ERBB4: variants seen among roughly 807,000 people sequenced by gnomAD.
ERBB4 encodes the protein erb-b2 receptor tyrosine kinase 4.
ERBB4 carries 42 observed loss-of-function variants against 158.0 expected under a neutral mutation model. The observed-to-expected ratio is 0.27, with a 90% CI of 0.21 to 0.34. ERBB4 has a LOEUF of 0.34. Ranked by LOEUF, ERBB4 falls within the 10% of genes least tolerant of loss-of-function variation. ERBB4 has a pLI of 1.00. For synonymous variants in ERBB4, 583 were observed against 558.7 expected, an observed-to-expected ratio of 1.04 and a Z score of -0.61; for missense variants, 1,333 against 1,624.1, an observed-to-expected ratio of 0.82 and a Z score of 3.08.
chr2:212,155,494 C>T (rs1285894222), intron 1 of ERBB4, among the ~76,000 whole-genome samples: 4 of 151,984 alleles, frequency 2.6e-5, no homozygotes, highest in African/African-American at 9.7e-5. Flanking sequence ...CTGGCCCCGC[C>T]CCAGACCTTC....
chr2:211,750,763 A>G, intron 4 of ERBB4, 59 bp from the exon 5 acceptor site: 1 of 1,397,366 alleles, frequency 7.2e-7, no homozygotes, highest in Non-Finnish European at 1.0e-6. Flanking sequence ...CTCCTTGACT[A>G]GGAGTAACTC....
chr2:212,106,953 A>G (rs1452380454), intron 2 of ERBB4, among the ~76,000 whole-genome samples: 1 of 152,234 alleles, frequency 6.6e-6, no homozygotes, highest in Non-Finnish European at 1.5e-5. Context: ...CAGAGGACCT[A>G]TGGAAATGCC....
intron 1 of ERBB4, among the ~76,000 whole-genome samples, chr2:212,279,483 G>T (rs925164773): frequency 6.6e-6 from 1 of 151,484 alleles, no homozygotes; most frequent in African/African-American, 2.4e-5. Flanking sequence ...AAGAAAATCT[G>T]CCATATACTT....
At chr2:211,689,542 A>G (rs901948677) in intron 12 of ERBB4, among the ~76,000 whole-genome samples, 1 of 152,144 alleles carries the variant, frequency 6.6e-6, no homozygotes, top group Non-Finnish European at 1.5e-5. Flanking sequence ...AGTTCCCAAA[A>G]AGTAGAATAT....
intron 1 of ERBB4, among the ~76,000 whole-genome samples, chr2:212,398,122 G>GTA (rs1305583434): frequency 5.9e-5 from 8 of 134,872 alleles, no homozygotes; most frequent in South Asian, 2.4e-4. Flanking sequence ...GTGTGTGTGT[G>GTA]TATATATATA....
intron 16 of ERBB4, among the ~76,000 whole-genome samples, chr2:211,639,507 T>C (rs1214210401): frequency 1.3e-5 from 2 of 152,226 alleles, no homozygotes; most frequent in African/African-American, 4.8e-5. Flanking sequence ...GCTGGCACCA[T>C]TCTTGTTCCC....
At chr2:212,526,171 C>T (rs1460315678) in intron 1 of ERBB4, among the ~76,000 whole-genome samples, 1 of 151,944 alleles carries the variant, frequency 6.6e-6, no homozygotes, top group African/African-American at 2.4e-5. Context: ...TTCATCTGTA[C>T]TTCTCAAAGA....
In ERBB4 at chr2:211,377,359, C is replaced by T. The variant is rs1467597733; in HGVS notation, c.*6256G>A. On this transcript the variant is annotated 3_prime_UTR_variant, in exon 28 of 28. Coordinates refer to ENST00000342788, the MANE Select transcript of ERBB4 (RefSeq NM_005235.3). Reference sequence around the variant, plus strand: ...TGGTTTGGACAAGTTAGACTATTGCCTACAGGTATGAATCTTTGTTTTCCT... The same window carrying T: ...TGGTTTGGACAAGTTAGACTATTGCTTACAGGTATGAATCTTTGTTTTCCT... 4.3e-6 allele frequency: 1 copy of T among 232,444 alleles called. No homozygotes were observed. Among genetic ancestry groups the T allele is most frequent in the African/African-American group, 2.2e-5 (1 of 45,242 alleles). 14.4% of individuals were successfully genotyped at this position (232,444 alleles called of 1,614,324 possible). A position where few individuals can be genotyped will look rare whatever the true frequency, so the allele number is the denominator to read the frequency against.
intron 20 of ERBB4, among the ~76,000 whole-genome samples, chr2:211,471,193 G>C (rs1379493246): frequency 6.6e-6 from 1 of 152,038 alleles, no homozygotes; most frequent in Admixed American, 6.6e-5. Context: ...GGCTGAGAGG[G>C]AGAAGAATCA....
intron 4 of ERBB4, among the ~76,000 whole-genome samples, chr2:211,753,288 A>AAC (rs954896051): frequency 3.6e-4 from 55 of 151,896 alleles, no homozygotes; most frequent in African/African-American, 1.3e-3. Flanking sequence ...AGAAAAAAAA[A>AAC]AACAAAATTT....
intron 3 of ERBB4, among the ~76,000 whole-genome samples, chr2:211,902,088 C>T (rs915235421): frequency 3.3e-5 from 5 of 151,998 alleles, no homozygotes; most frequent in Non-Finnish European, 2.9e-5. Flanking sequence ...TCCCTCACTT[C>T]TCTCCAGTGT....
chr2:212,165,400 C>G (rs2081317743), intron 1 of ERBB4, among the ~76,000 whole-genome samples: 1 of 151,750 alleles, frequency 6.6e-6, no homozygotes, highest in Admixed American at 6.6e-5. Flanking sequence ...ATAATCCCAG[C>G]CCTGAGGGTA....
rs188386424 is a variant in ERBB4, at chr2:211,704,098, A to G, written c.1289+6T>C. Reference sequence around the variant, plus strand: ...GAGCCCTGCAGCTTTAAACATATCCACTTACCTATAGAGTACTCTTCCACC... The same window carrying G: ...GAGCCCTGCAGCTTTAAACATATCCGCTTACCTATAGAGTACTCTTCCACC... On this transcript the variant is annotated splice_donor_region_variant and intron_variant, in intron 11 of 27. Coordinates refer to ENST00000342788, the MANE Select transcript of ERBB4 (RefSeq NM_005235.3). The G allele has an allele frequency of 1.2e-5, 18 of 1,540,536 alleles. No homozygotes were observed. In the African/African-American group the frequency reaches 2.4e-4, roughly 21 times the overall value.
intron 2 of ERBB4, among the ~76,000 whole-genome samples, chr2:212,081,155 C>T (rs2078431267): frequency 6.6e-6 from 1 of 152,042 alleles, no homozygotes; most frequent in African/African-American, 2.4e-5. Context: ...GTTAATTAAG[C>T]AAAGGCATTT....
intron 3 of ERBB4, among the ~76,000 whole-genome samples, chr2:211,944,003 A>G (rs2125127976): frequency 6.6e-6 from 1 of 150,832 alleles, no homozygotes; most frequent in East Asian, 1.9e-4. Flanking sequence ...TTCTGAACAC[A>G]CACTATTCTA....
intron 20 of ERBB4, among the ~76,000 whole-genome samples, chr2:211,508,552 G>T (rs1047556817): frequency 2.0e-5 from 3 of 152,278 alleles, no homozygotes; most frequent in Non-Finnish European, 1.5e-5. Flanking sequence ...TTCAACCACT[G>T]TGGAAGACAG....
chr2:211,851,366 A>C (rs939496765), intron 3 of ERBB4, among the ~76,000 whole-genome samples: 2 of 152,000 alleles, frequency 1.3e-5, no homozygotes, highest in Non-Finnish European at 2.9e-5. Flanking sequence ...CAAGAAATTA[A>C]ATTGGCTTAA....
At chr2:211,807,427 G>A (rs1386503490) in intron 3 of ERBB4, among the ~76,000 whole-genome samples, 2 of 152,044 alleles carry the variant, frequency 1.3e-5, no homozygotes, top group Admixed American at 6.6e-5. Context: ...GTTTGCTCAG[G>A]ATGATGGTTT....
chr2:212,348,515 T>C (rs1252436946), intron 1 of ERBB4, among the ~76,000 whole-genome samples: 1 of 152,164 alleles, frequency 6.6e-6, no homozygotes, highest in Non-Finnish European at 1.5e-5. Flanking sequence ...AAACTATTGT[T>C]TTAAAACTCA....
Sources: allele counts gnomAD v4.1 joint callset (sites outside exome capture counted in the v4.1 genomes callset), GRCh38; gene constraint gnomAD v4.1.1; transcripts MANE v1.5; gene names NCBI Gene and HGNC (gene_info 2026-07-23, HGNC 2026-07-21).